AACS: variants seen among roughly 807,000 people sequenced by gnomAD.
The protein encoded by AACS is acetoacetate-CoA ligase.
In AACS, 69 loss-of-function variants were observed where a neutral mutation model predicts 83.1. The ratio of observed to expected loss-of-function variants is 0.83; its 90% CI spans 0.68 to 1.01. The LOEUF (loss-of-function observed/expected upper bound fraction) is 1.01. AACS is among the 50% of genes least tolerant of loss of function. The probability of loss-of-function intolerance (pLI) is 0.00; values close to 1 mark genes in which losing one functional copy is unlikely to be tolerated. For missense variants in AACS, 866 were observed against 882.2 expected, an observed-to-expected ratio of 0.98 and a Z score of 0.23; for synonymous variants, 333 against 343.4, an observed-to-expected ratio of 0.97 and a Z score of 0.33.
chr12:125,122,031 G>C (rs1342343585), intron 10 of AACS: 2 of 152,310 alleles, frequency 1.3e-5, no homozygotes, highest in African/African-American at 4.8e-5. Flanking sequence ...GGGAGTCCTC[G>C]AGAGTCCTCG....
intron 5 of AACS, among the ~76,000 whole-genome samples, chr12:125,095,645 C>T (rs1296948811): frequency 1.3e-5 from 2 of 152,208 alleles, no homozygotes; most frequent in Non-Finnish European, 2.9e-5. Flanking sequence ...TTCTCCCTCC[C>T]GCCTACCCTG....
intron 1 of AACS, among the ~76,000 whole-genome samples, chr12:125,070,369 A>G (rs1250543610): frequency 6.6e-6 from 1 of 152,174 alleles, no homozygotes; most frequent in Non-Finnish European, 1.5e-5. Flanking sequence ...AGAAGGGCGG[A>G]TAGCCTGTAA....
intron 5 of AACS, chr12:125,101,288 C>T (rs1227472356): frequency 2.6e-5 from 4 of 152,230 alleles, no homozygotes; most frequent in Non-Finnish European, 4.4e-5. Context: ...GTTCCAAGAA[C>T]AAGCCCATGC....
At chr12:125,119,476 G>A (rs1316058997) in intron 10 of AACS, among the ~76,000 whole-genome samples, 1 of 152,200 alleles carries the variant, frequency 6.6e-6, no homozygotes, top group Non-Finnish European at 1.5e-5. Flanking sequence ...GAGGTTGAAT[G>A]GACTCAGAGT....
chr12:125,129,541 C>T lies in AACS; in HGVS notation c.1549+81C>T, dbSNP rs1007190457. On this transcript the variant is annotated intron_variant, in intron 14 of 17. Transcript: ENST00000316519. This position sits in a 1 kb window ranked among gnomAD's most constrained non-coding sequence, Gnocchi z 4.3. ...TGTGTCTAATTCTGTACCATCGTGC[C>T]CCTCCCCTCTTCCTTCCCCCACCAG... The T allele has an allele frequency of 4.6e-6, 7 of 1,511,710 alleles. No individual in the cohort carries two copies. Among genetic ancestry groups the T allele is most frequent in the Non-Finnish European group, 6.2e-6 (7 of 1,123,450 alleles). 93.6% of individuals were successfully genotyped at this position (1,511,710 alleles called of 1,614,324 possible). A position where few individuals can be genotyped will look rare whatever the true frequency, so the allele number is the denominator to read the frequency against.
chr12:125,084,718 A>G (rs576087799), intron 3 of AACS, among the ~76,000 whole-genome samples: 6 of 152,058 alleles, frequency 3.9e-5, no homozygotes, highest in South Asian at 2.1e-4. Context: ...AGATAGGACT[A>G]TAGGTAAGCA....
At chr12:125,134,481 T>C (rs1454270509) in intron 15 of AACS, among the ~76,000 whole-genome samples, 1 of 152,078 alleles carries the variant, frequency 6.6e-6, no homozygotes, top group African/African-American at 2.4e-5. Flanking sequence ...TGTGATGGGG[T>C]TCTCGGGTAG....
chr12:125,067,124 G>A (rs1375117301), intron 1 of AACS, among the ~76,000 whole-genome samples: 2 of 152,074 alleles, frequency 1.3e-5, no homozygotes, highest in African/African-American at 4.8e-5. Context: ...AATTGCAGAC[G>A]GCTGCCTGGC....
At position 125,138,972 on chromosome 12, in the gene AACS, G is replaced by C. The variant is rs1957439358; in HGVS notation, c.1881+2108G>C. On this transcript the variant is annotated intron_variant, in intron 17 of 17. Coordinates refer to ENST00000316519, the MANE Select transcript of AACS (RefSeq NM_023928.5). ...CTCATCTGCAAAGTCCCGGGGCCTTGCTGAGGCAGGAGAGCCTGTTGCAGG... is the reference window on the plus strand; with the variant it reads ...CTCATCTGCAAAGTCCCGGGGCCTTCCTGAGGCAGGAGAGCCTGTTGCAGG... 2.7e-5 allele frequency: 4 copies of C among 150,702 alleles called. No individual in the cohort carries two copies. In the South Asian group the frequency reaches 8.4e-4, roughly 32 times the overall value. The allele number at this position is 150,702 out of a possible 1,614,324, so 9.3% of individuals were successfully genotyped here.
At chr12:125,138,594 G>C (rs1000419795) in intron 17 of AACS, 1 of 152,168 alleles carries the variant, frequency 6.6e-6, no homozygotes, top group Non-Finnish European at 1.5e-5. Context: ...ATTTGATCAC[G>C]AGAGTAGTGG....
In AACS at chr12:125,102,809, G is replaced by C. The variant is rs763625104; in HGVS notation, c.685+16G>C. 1.2e-6 allele frequency: 2 copies of C among 1,611,114 alleles called. No homozygotes were observed. The highest frequency in any genetic ancestry group is 1.7e-6 in the Non-Finnish European group (2 of 1,177,342). ...GTGGTTAAAGGTGTGTGGCCCTTCCGGCTCCCAGCCGGCATGGCTGGGTGT... is the reference window on the plus strand; with the variant it reads ...GTGGTTAAAGGTGTGTGGCCCTTCCCGCTCCCAGCCGGCATGGCTGGGTGT... On this transcript the variant is annotated intron_variant, in intron 6 of 17. Coordinates refer to ENST00000316519, the MANE Select transcript of AACS (RefSeq NM_023928.5).
intron 8 of AACS, among the ~76,000 whole-genome samples, chr12:125,108,675 T>A (rs56291637): frequency 0.038 from 5,749 of 151,976 alleles, 146 homozygotes; most frequent in Non-Finnish European, 0.054. Flanking sequence ...TATTTTATTT[T>A]ATTTTTTTTT....
At position 125,142,189 on chromosome 12, in the gene AACS, T is replaced by C. The variant is rs1232546795; in HGVS notation, c.1979T>C (p.Leu660Pro). The C allele has an allele frequency of 6.2e-7, 1 of 1,613,992 alleles. No individual in the cohort carries two copies. The highest frequency in any genetic ancestry group is 8.5e-7 in the Non-Finnish European group (1 of 1,180,016). ...GGTGCTTTCTCGAACCCCGAGACCC[T>C]GGATCTGTACCGGGACATCCCTGAG... The part of the protein sequence containing the change: ...QGGAFSNPET[L>P]DLYRDIPELQ... Residue 660 changes from leucine (L) to proline (P), a missense_variant, in exon 18 of 18, where the codon CTG becomes CCG. By Grantham distance (98) the Leu-to-Pro change is moderately conservative. Transcript: ENST00000316519.
At chr12:125,114,391 GT>G in intron 8 of AACS, 85 bp from the exon 9 acceptor site, 2 of 1,100,580 alleles carry the variant, frequency 1.8e-6, no homozygotes, top group African/African-American at 3.1e-5. Flanking sequence ...TCCTGGCAGC[GT>G]CTGAGCAGCG....
intron 10 of AACS, among the ~76,000 whole-genome samples, chr12:125,118,989 T>A (rs1957107153): frequency 6.6e-6 from 1 of 152,192 alleles, no homozygotes; most frequent in East Asian, 1.9e-4. Flanking sequence ...GGCTCTTCCC[T>A]CCAGAGTGAG....
rs1165462769 is a variant in AACS at position 125,096,663 on chromosome 12, T to C, written c.570+5140T>C. Among the ~76,000 whole-genome samples, 3 of 152,290 alleles carry C rather than the reference T, an allele frequency of 2.0e-5. No homozygotes were observed. The East Asian group carries it at 5.8e-4, about 29-fold the overall frequency. On this transcript the variant is annotated intron_variant, in intron 5 of 17. Transcript: ENST00000316519. Reference sequence around the variant, plus strand: ...AGGTTGAATGTGTTACCTTGATATTTGCATAGAGAGCGTCAGAAGTAAACA... The same window carrying C: ...AGGTTGAATGTGTTACCTTGATATTCGCATAGAGAGCGTCAGAAGTAAACA...
intron 3 of AACS, among the ~76,000 whole-genome samples, chr12:125,085,074 G>C (rs1256192285): frequency 6.6e-6 from 1 of 152,222 alleles, no homozygotes; most frequent in African/African-American, 2.4e-5. Flanking sequence ...GATTGCCCGG[G>C]GTGGGGGTGG....
chr12:125,091,798 G>A (rs911333211), intron 5 of AACS, among the ~76,000 whole-genome samples: 13 of 152,374 alleles, frequency 8.5e-5, no homozygotes, highest in South Asian at 6.2e-4. Flanking sequence ...GGTCTAGTAA[G>A]GTCGAGCCCT....
At chr12:125,076,364 C>T in intron 2 of AACS, 127 bp from the exon 3 acceptor site, 1 of 1,294,894 alleles carries the variant, frequency 7.7e-7, no homozygotes. Flanking sequence ...ATGCTCTGGG[C>T]CAATGAGTGA....
Sources: gnomAD v4.1 joint callset for allele counts (sites outside exome capture counted in the v4.1 genomes callset) on GRCh38, gnomAD v4.1.1 for gene constraint, Gnocchi (gnomAD v3.1) non-coding constraint, MANE v1.5 for transcripts, NCBI Gene and HGNC (gene_info 2026-07-23, HGNC 2026-07-21) for gene names.